The following DPP6 variants were observed in gnomAD, a reference collection of about 807,000 sequenced individuals.
The protein encoded by DPP6 is dipeptidyl peptidase like 6.
In DPP6, 69 loss-of-function variants were observed where a neutral mutation model predicts 122.6. That is an observed-to-expected ratio of 0.56 (90% CI 0.46 to 0.69). DPP6 has a LOEUF of 0.69. Ranked by LOEUF, DPP6 falls within the 30% of genes least tolerant of loss-of-function variation. The pLI is 0.00. For synonymous variants in DPP6, 418 were observed against 433.1 expected (o/e 0.97, Z 0.43); for missense variants, 928 against 1,116.9 (o/e 0.83, Z 2.41).
chr7:153,779,788 A>G, the DPP6 span, among the ~76,000 whole-genome samples: 5 of 133,354 alleles, frequency 3.7e-5, no homozygotes, highest in Non-Finnish European at 6.4e-5. Context: ...CCAGAACAGA[A>G]AAAGAACATT....
intron 4 of DPP6, among the ~76,000 whole-genome samples, chr7:154,557,705 C>G (rs1032929034): frequency 2.0e-5 from 3 of 151,914 alleles, no homozygotes; most frequent in African/African-American, 7.3e-5. Context: ...CTGTGATCCC[C>G]GAGAAAAGAA....
intron 8 of DPP6, among the ~76,000 whole-genome samples, chr7:154,732,201 G>A (rs1335765097): frequency 7.5e-5 from 6 of 79,504 alleles, no homozygotes; most frequent in African/African-American, 4.1e-4. Flanking sequence ...CACCATGCCC[G>A]GCTAATTTTT....
At chr7:153,757,615 C>G in the DPP6 span, among the ~76,000 whole-genome samples, 1 of 152,146 alleles carries the variant, frequency 6.6e-6, no homozygotes, top group Admixed American at 6.5e-5. Context: ...GACATTCAAC[C>G]AGCCTTCAGG....
chr7:154,875,822 CG>C lies in DPP6; in HGVS notation c.1884-79del. The C allele has an allele frequency of 5.3e-6, 8 of 1,519,490 alleles. No individual in the cohort carries two copies. Among genetic ancestry groups the C allele is most frequent in the Non-Finnish European group, 7.1e-6 (8 of 1,131,924 alleles). The allele number at this position is 1,519,490 out of a possible 1,614,324, so 94.1% of individuals were successfully genotyped here. On this transcript the variant is annotated intron_variant, in intron 19 of 25. Transcript: ENST00000377770. The surrounding 1 kb of genome is among the most constrained non-coding windows in gnomAD (Gnocchi z 4.5). ...GCCGGGTCACGGGTAAAATCCCTTACGGGGGTCATCTGACGTGGCAGCTGCT... is the reference window on the plus strand; with the variant it reads ...GCCGGGTCACGGGTAAAATCCCTTACGGGGTCATCTGACGTGGCAGCTGCT...
At chr7:154,484,472 C>A (rs1170625013) in intron 3 of DPP6, among the ~76,000 whole-genome samples, 1 of 152,202 alleles carries the variant, frequency 6.6e-6, no homozygotes, top group East Asian at 1.9e-4. Flanking sequence ...TCAAGGGGTC[C>A]CCTCTCCTCC....
chr7:154,762,301 C>T (rs144642366), intron 8 of DPP6, among the ~76,000 whole-genome samples: 15 of 152,320 alleles, frequency 9.8e-5, no homozygotes, highest in South Asian at 6.2e-4. Context: ...GGGAGTCTCA[C>T]GCCCTGGAAG....
rs543794303 is a variant in DPP6 at position 154,669,585 on chromosome 7, G to A, written c.762+144G>A. On this transcript the variant is annotated intron_variant, in intron 7 of 25. Coordinates refer to ENST00000377770, the MANE Select transcript of DPP6 (RefSeq NM_130797.4). ...GTGTGTGTAAATTAAAATCTGGAGA[G>A]GTACACCAGGGTGTCTGAATATGTA... is the stretch of plus-strand genomic sequence containing the variant. 1.2e-5 allele frequency: 15 copies of A among 1,301,948 alleles called. No homozygotes were observed. In the East Asian group the frequency reaches 3.8e-4, roughly 33 times the overall value. The allele number at this position is 1,301,948 out of a possible 1,614,324, so 80.6% of individuals were successfully genotyped here.
intron 5 of DPP6, among the ~76,000 whole-genome samples, chr7:154,620,664 C>A (rs1425619507): frequency 6.6e-6 from 1 of 152,316 alleles, no homozygotes; most frequent in East Asian, 1.9e-4. Context: ...CCTGTGGAGT[C>A]CTCTCTATAG....
chr7:154,507,002 A>C (rs1047172653), intron 3 of DPP6, among the ~76,000 whole-genome samples: 1 of 152,208 alleles, frequency 6.6e-6, no homozygotes, highest in African/African-American at 2.4e-5. Context: ...GCCCTGGGTC[A>C]CTGTGAGTTT....
chr7:154,256,447 T>C (rs1387100318), intron 1 of DPP6, among the ~76,000 whole-genome samples: 1 of 152,228 alleles, frequency 6.6e-6, no homozygotes, highest in Non-Finnish European at 1.5e-5. Flanking sequence ...TCAGTCTGCA[T>C]GACGGGCGCA....
chr7:154,516,613 T>C (rs1826535288), intron 3 of DPP6, among the ~76,000 whole-genome samples: 1 of 152,234 alleles, frequency 6.6e-6, no homozygotes, highest in Non-Finnish European at 1.5e-5. Context: ...GACTCTATCC[T>C]CTGATTTAAC....
chr7:154,052,043 T>C (rs2129061901), upstream of DPP6, among the ~76,000 whole-genome samples: 1 of 150,384 alleles, frequency 6.6e-6, no homozygotes, highest in South Asian at 2.1e-4. This position sits in a 1 kb window ranked among gnomAD's most constrained non-coding sequence, Gnocchi z 4.8. Flanking sequence ...GGCTGCACCT[T>C]CAGTCGCCCC....
chr7:154,589,970 T>C (rs919208588), intron 5 of DPP6, among the ~76,000 whole-genome samples: 1 of 152,248 alleles, frequency 6.6e-6, no homozygotes, highest in Admixed American at 6.5e-5. Context: ...TCATCCTAGC[T>C]AATCCTCTTG....
intron 1 of DPP6, among the ~76,000 whole-genome samples, chr7:154,300,210 G>T (rs780597008): frequency 1.3e-5 from 2 of 152,222 alleles, no homozygotes; most frequent in African/African-American, 4.8e-5. Flanking sequence ...GCCCCGCCAG[G>T]CTCCAGGGGG....
intron 6 of DPP6, among the ~76,000 whole-genome samples, chr7:154,640,291 C>G (rs2130936168): frequency 6.6e-6 from 1 of 152,176 alleles, no homozygotes; most frequent in South Asian, 2.1e-4. Flanking sequence ...ATTCAAAGGT[C>G]ACAATGCAGA....
rs922892894 is a variant in DPP6 at position 154,518,505 on chromosome 7, C to T, written c.458-22027C>T. Among the ~76,000 whole-genome samples the T allele has an allele frequency of 1.2e-4, 19 of 152,288 alleles. 1 individual carries two copies. The highest frequency in any genetic ancestry group is 4.6e-4 in the African/African-American group (19 of 41,568). ...TGCCCAGGTGACAGCACTTGCCCTG[C>T]TGTGATTATTAAAGCAGCCCCTTGC... On this transcript the variant is annotated intron_variant, in intron 3 of 25. Coordinates refer to ENST00000377770, the MANE Select transcript of DPP6 (RefSeq NM_130797.4).
rs77306823 is a variant in DPP6, at chr7:154,801,337, C to A, written c.1300-18C>A. 24,828 of 1,567,152 alleles carry A rather than the reference C, an allele frequency of 0.016. 455 individuals are homozygous for A. The highest frequency in any genetic ancestry group is 0.067 in the South Asian group (5,677 of 85,028). On this transcript the variant is annotated intron_variant, in intron 12 of 25. Coordinates refer to ENST00000377770, the MANE Select transcript of DPP6 (RefSeq NM_130797.4). Reference sequence around the variant, plus strand: ...ATGATGTTTTAGTTGTGGTTTCATCCGTGGCCTTTGTCCACAGAATGAAGA... The same window carrying A: ...ATGATGTTTTAGTTGTGGTTTCATCAGTGGCCTTTGTCCACAGAATGAAGA...
chr7:153,864,431 G>T, the DPP6 span, among the ~76,000 whole-genome samples: 9 of 152,002 alleles, frequency 5.9e-5, no homozygotes, highest in African/African-American at 2.2e-4. Context: ...GAGGCAGGTG[G>T]ATCACCTGAG....
intron 1 of DPP6, among the ~76,000 whole-genome samples, chr7:154,429,909 C>T (rs1818218733): frequency 6.6e-6 from 1 of 152,150 alleles, no homozygotes; most frequent in African/African-American, 2.4e-5. Flanking sequence ...TTATTATGGT[C>T]ACCACCAGCA....
Sources: allele counts gnomAD v4.1 joint callset (sites outside exome capture counted in the v4.1 genomes callset), GRCh38; gene constraint gnomAD v4.1.1; non-coding constraint Gnocchi (gnomAD v3.1); transcripts MANE v1.5; gene names NCBI Gene and HGNC (gene_info 2026-07-23, HGNC 2026-07-21).